TGIF1: variants seen among roughly 807,000 people sequenced by gnomAD.
TGIF1 encodes homeobox protein TGIF1.
TGIF1 carries 4 observed loss-of-function variants against 19.3 expected under a neutral mutation model. The ratio of observed to expected loss-of-function variants is 0.21; its 90% CI spans 0.10 to 0.47. The LOEUF (loss-of-function observed/expected upper bound fraction) is 0.47, where lower values mean the gene tolerates loss of function less well. TGIF1 is among the 20% of genes least tolerant of loss of function. The pLI, the probability that TGIF1 is intolerant of heterozygous loss-of-function variation, is 0.98. For missense variants in TGIF1, 275 were observed against 341.4 expected (o/e 0.81, Z 1.53); for synonymous variants, 122 against 129.3 (o/e 0.94, Z 0.38).
chr18:3,423,491 A>G (rs748890585), intron 2 of TGIF1, among the ~76,000 whole-genome samples: 1 of 152,054 alleles, frequency 6.6e-6, no homozygotes, highest in Non-Finnish European at 1.5e-5. Flanking sequence ...CTTCCTGGCT[A>G]ACACGGCGAA....
chr18:3,432,759 T>C lies in TGIF1; in HGVS notation c.-45+14544T>C, dbSNP rs551118977. Among the ~76,000 whole-genome samples, 30 of 152,152 alleles carry C rather than the reference T, an allele frequency of 2.0e-4. 1 individual carries two copies. In the East Asian group the frequency reaches 5.8e-3, roughly 29 times the overall value. ...TACCATTCTTCAGACTTTTCTTTTT[T>C]TGTTTGTTTTTTTTTTTGAGATGGA... is the stretch of plus-strand genomic sequence containing the variant. On this transcript the variant is annotated intron_variant, in intron 2 of 3. Coordinates refer to the TGIF1 transcript ENST00000401449.
chr18:3,438,804 A>ATT (rs1361733427), intron 2 of TGIF1, among the ~76,000 whole-genome samples: 11 of 152,190 alleles, frequency 7.2e-5, no homozygotes, highest in Non-Finnish European at 1.2e-4. Context: ...GGAAATAAAT[A>ATT]TTTGAGAGTA....
chr18:3,450,392 G>A lies in TGIF1; in HGVS notation c.-98G>A. ...GGAGCACGTCCTACAAGTTACGGGA[G>A]AGTCGGCTGTGAAGGAGACGTTCGC... On this transcript the variant is annotated 5_prime_UTR_variant, in exon 1 of 3. Transcript: ENST00000343820. The A allele has an allele frequency of 1.9e-6, 3 of 1,545,744 alleles. No homozygotes were observed. Among genetic ancestry groups the A allele is most frequent in the Non-Finnish European group, 2.6e-6 (3 of 1,144,066 alleles).
chr18:3,424,191 T>A (rs2082440791), intron 2 of TGIF1, among the ~76,000 whole-genome samples: 1 of 152,184 alleles, frequency 6.6e-6, no homozygotes, highest in Non-Finnish European at 1.5e-5. Flanking sequence ...TAATTATGAT[T>A]ATTTTATTAT....
chr18:3,457,380 A>G lies in TGIF1; in HGVS notation c.259A>G (p.Ile87Val). The G allele has an allele frequency of 1.2e-6, 2 of 1,614,224 alleles. No homozygotes were observed. The highest frequency in any genetic ancestry group is 1.7e-6 in the Non-Finnish European group (2 of 1,180,032). The change falls in exon 3 of 3, where the codon ATC (isoleucine) becomes GTC (valine). Residue 87 changes from isoleucine to valine, a missense_variant. Physicochemically the swap from Ile to Val is conservative, Grantham distance 29 (BLOSUM62 3). Coordinates refer to ENST00000343820, the MANE Select transcript of TGIF1 (RefSeq NM_003244.4). This position sits in a 1 kb window ranked among gnomAD's most constrained non-coding sequence, Gnocchi z 4.9. ...LSTLQVCNWF[I>V]NARRRLLPDM... ...ATGATTTCAGGTCTGTAACTGGTTC[A>G]TCAACGCCCGCCGCAGGCTCCTCCC...
At position 3,458,802 on chromosome 18, in the gene TGIF1, T is replaced by C. The variant is rs2049443599; in HGVS notation, c.*862T>C. 6.6e-6 allele frequency: 1 copy of C among 152,244 alleles called. No homozygotes were observed. Among genetic ancestry groups the C allele is most frequent in the Non-Finnish European group, 1.5e-5 (1 of 68,036 alleles). The allele number at this position is 152,244 out of a possible 1,614,324, so 9.4% of individuals were successfully genotyped here. On this transcript the variant is annotated 3_prime_UTR_variant, in exon 3 of 3. Coordinates refer to ENST00000343820, the MANE Select transcript of TGIF1 (RefSeq NM_003244.4). Reference sequence around the variant, plus strand: ...CAACGCAAGCAATCTCTTGCCCTTTTTCCACGTTACCCTTTAAAATAACCT... The same window carrying C: ...CAACGCAAGCAATCTCTTGCCCTTTCTCCACGTTACCCTTTAAAATAACCT...
Position 3,450,401 on chromosome 18 carries a change from G to C in TGIF1, c.-89G>C, listed in dbSNP as rs2082867042. Reference sequence around the variant, plus strand: ...CCTACAAGTTACGGGAGAGTCGGCTGTGAAGGAGACGTTCGCTTATCCCCT... The same window carrying C: ...CCTACAAGTTACGGGAGAGTCGGCTCTGAAGGAGACGTTCGCTTATCCCCT... On this transcript the variant is annotated 5_prime_UTR_variant, in exon 1 of 3. Coordinates refer to ENST00000343820, the MANE Select transcript of TGIF1 (RefSeq NM_003244.4). 1.9e-5 allele frequency: 29 copies of C among 1,548,292 alleles called. No homozygotes were observed. The South Asian group carries it at 2.9e-4, about 15-fold the overall frequency.
At position 3,451,819 on chromosome 18, in the gene TGIF1, C is replaced by T; in HGVS notation, c.16+1314C>T. On this transcript the variant is annotated intron_variant, in intron 1 of 2. Coordinates refer to ENST00000343820, the MANE Select transcript of TGIF1 (RefSeq NM_003244.4). This position sits in a 1 kb window ranked among gnomAD's most constrained non-coding sequence, Gnocchi z 5.4. ...CCCTCCCCGCGGGACGGAGGGAGGA[C>T]TCGGGACAGGGAATTGGCCCTGGGA... 7.6e-7 allele frequency: 1 copy of T among 1,322,720 alleles called. No homozygotes were observed. The highest frequency in any genetic ancestry group is 9.7e-7 in the Non-Finnish European group (1 of 1,035,904). 81.9% of individuals were successfully genotyped at this position (1,322,720 alleles called of 1,614,324 possible). A position where few individuals can be genotyped will look rare whatever the true frequency, so the allele number is the denominator to read the frequency against.
At chr18:3,441,347 G>C (rs2082675961) in intron 2 of TGIF1, among the ~76,000 whole-genome samples, 1 of 152,120 alleles carries the variant, frequency 6.6e-6, no homozygotes, top group Admixed American at 6.5e-5. Flanking sequence ...TGGTTAGAAA[G>C]GCCTTCCCCA....
upstream of TGIF1, among the ~76,000 whole-genome samples, chr18:3,445,831 G>C (rs2082738345): frequency 1.6e-5 from 2 of 126,230 alleles, no homozygotes; most frequent in Admixed American, 1.8e-4. Context: ...ACTGGAGGTA[G>C]ATTTCAGAGC....
rs2049460247 is a variant in TGIF1 at position 3,459,624 on chromosome 18, A to G, written c.*1684A>G. 1 of 152,204 alleles carries G rather than the reference A, an allele frequency of 6.6e-6. No individual in the cohort carries two copies. Among genetic ancestry groups the G allele is most frequent in the Non-Finnish European group, 1.5e-5 (1 of 68,030 alleles). The allele number at this position is 152,204 out of a possible 1,614,324, so 9.4% of individuals were successfully genotyped here. A position where few individuals can be genotyped will look rare whatever the true frequency, so the allele number is the denominator to read the frequency against. On this transcript the variant is annotated 3_prime_UTR_variant, in exon 3 of 3. Coordinates refer to ENST00000343820, the MANE Select transcript of TGIF1 (RefSeq NM_003244.4). The stretch of plus-strand genomic sequence containing the variant: ...CCAACAGCTAGATCAAAGGCTGAAC[A>G]TTTTGCTTTAGTATAGATGAGGGAA...
At chr18:3,448,700 T>A, upstream of TGIF1, 1 of 827,084 alleles carries the variant, frequency 1.2e-6, no homozygotes, top group Non-Finnish European at 1.4e-6. Flanking sequence ...CTCCACGCAT[T>A]CTAGGGGCGG....
At position 3,450,301 on chromosome 18, in the gene TGIF1, G is replaced by A. The variant is rs1195024541; in HGVS notation, c.-189G>A. 2 of 1,445,950 alleles carry A rather than the reference G, an allele frequency of 1.4e-6. No homozygotes were observed. The highest frequency in any genetic ancestry group is 9.1e-7 in the Non-Finnish European group (1 of 1,100,322). The allele number at this position is 1,445,950 out of a possible 1,614,324, so 89.6% of individuals were successfully genotyped here. A position where few individuals can be genotyped will look rare whatever the true frequency, so the allele number is the denominator to read the frequency against. The stretch of plus-strand genomic sequence containing the variant: ...GATCCCGGCGGGAGGAAGCCCAAGT[G>A]TCACTTGAATTCCACCCAAGGAGCG... On this transcript the variant is annotated 5_prime_UTR_variant, in exon 1 of 3. Coordinates refer to ENST00000343820, the MANE Select transcript of TGIF1 (RefSeq NM_003244.4).
chr18:3,425,542 T>G (rs1358772332), intron 2 of TGIF1, among the ~76,000 whole-genome samples: 1 of 152,184 alleles, frequency 6.6e-6, no homozygotes, highest in Non-Finnish European at 1.5e-5. Flanking sequence ...GGACGTCTTT[T>G]CAGGCTTTTG....
intron 2 of TGIF1, among the ~76,000 whole-genome samples, chr18:3,421,953 C>T (rs953233021): frequency 6.6e-6 from 1 of 151,650 alleles, no homozygotes; most frequent in East Asian, 1.9e-4. Context: ...CAGCACTTTG[C>T]GAGGCTGAGG....
At position 3,422,673 on chromosome 18, in the gene TGIF1, C is replaced by CTTTTTTGTTTTTTTGTTTTTTT. The variant is rs1481496826; in HGVS notation, c.-45+4464_-45+4465insGTTTTTTTGTTTTTTTTTTTTT. ...ATGTTAAGTGCCCTATATAGGTGGCCTTTTTTTTTTTTTTTTTTTTTTTTT... is the reference window on the plus strand; with the variant it reads ...ATGTTAAGTGCCCTATATAGGTGGCCTTTTTTGTTTTTTTGTTTTTTTTTTTTTTTTTTTTTTTTTTTTTTTT... On this transcript the variant is annotated intron_variant, in intron 2 of 3. Coordinates refer to the TGIF1 transcript ENST00000401449. Among the ~76,000 whole-genome samples the CTTTTTTGTTTTTTTGTTTTTTT allele has an allele frequency of 8.1e-5, 2 of 24,672 alleles. 1 individual carries two copies. Among genetic ancestry groups the CTTTTTTGTTTTTTTGTTTTTTT allele is most frequent in the African/African-American group, 1.5e-4 (2 of 13,760 alleles). The allele number at this position is 24,672 out of a possible 152,430, so 16.2% of individuals were successfully genotyped here.
chr18:3,422,822 C>G (rs1019185399), intron 2 of TGIF1, among the ~76,000 whole-genome samples: 1 of 151,056 alleles, frequency 6.6e-6, no homozygotes, highest in Non-Finnish European at 1.5e-5. Flanking sequence ...TCCTGAGTAG[C>G]TGGGACTACA....
chr18:3,440,266 G>A (rs759297549), intron 2 of TGIF1, among the ~76,000 whole-genome samples: 4 of 151,258 alleles, frequency 2.6e-5, no homozygotes, highest in African/African-American at 4.9e-5. Flanking sequence ...CAGGAGAATC[G>A]CTTGAACCTG....
At chr18:3,452,077 C>T in intron 1 of TGIF1, 3 of 1,614,014 alleles carry the variant, frequency 1.9e-6, no homozygotes, top group Non-Finnish European at 2.5e-6. Flanking sequence ...TGGCCCGCCT[C>T]CCACCCCGGG....
Sources: allele counts gnomAD v4.1 joint callset (sites outside exome capture counted in the v4.1 genomes callset), GRCh38; gene constraint gnomAD v4.1.1; non-coding constraint Gnocchi (gnomAD v3.1); transcripts MANE v1.5; gene names NCBI Gene and HGNC (gene_info 2026-07-23, HGNC 2026-07-21).